Variants in KCNQ1 observed in about 807,000 individuals in gnomAD.
KCNQ1 encodes the protein potassium voltage-gated channel subfamily KQT member 1.
A neutral mutation model predicts 72.4 loss-of-function variants in KCNQ1; 49 were observed. That is an observed-to-expected ratio of 0.68 (90% CI 0.54 to 0.86). KCNQ1 has a LOEUF of 0.86. Among genes scored for constraint, KCNQ1 ranks in the 40% least tolerant of loss-of-function variants. KCNQ1 has a pLI of 0.00. For synonymous variants in KCNQ1, 450 were observed against 412.6 expected (o/e 1.09, Z -1.10); for missense variants, 790 against 945.1 (o/e 0.84, Z 2.15).
intron 8 of KCNQ1, among the ~76,000 whole-genome samples, 172 bp downstream of exon 8, chr11:2,585,479 G>A (rs189993151): frequency 5.3e-5 from 8 of 152,368 alleles, no homozygotes; most frequent in African/African-American, 1.7e-4. Context: ...GGGTGAGCAC[G>A]GGGCATTGGA....
chr11:2,448,502 T>C (rs1326681191), intron 1 of KCNQ1, among the ~76,000 whole-genome samples: 1 of 152,170 alleles, frequency 6.6e-6, no homozygotes, highest in Non-Finnish European at 1.5e-5. Context: ...AGCACCCAAC[T>C]TTGTGGACTC....
In KCNQ1 at chr11:2,826,138, T is replaced by C. The variant is rs1254610953; in HGVS notation, c.1795-21629T>C. ...GGCTCATGCCAATGTCTTGAGTAAT[T>C]ATTGGGGGGCGGGGGCTGTCCAGCC... On this transcript the variant is annotated intron_variant, in intron 15 of 15. Transcript: ENST00000155840. The surrounding 1 kb of genome is among the most constrained non-coding windows in gnomAD (Gnocchi z 4.2). Among the ~76,000 whole-genome samples the C allele has an allele frequency of 2.0e-5, 3 of 152,168 alleles. No homozygotes were observed. Among genetic ancestry groups the C allele is most frequent in the African/African-American group, 7.2e-5 (3 of 41,448 alleles).
chr11:2,706,980 A>G (rs1462601319), intron 11 of KCNQ1, among the ~76,000 whole-genome samples: 4 of 152,112 alleles, frequency 2.6e-5, no homozygotes, highest in East Asian at 3.9e-4. Flanking sequence ...TAGGAAATGT[A>G]ACGGGTGACC....
rs536652208 is a variant in KCNQ1 at position 2,745,906 on chromosome 11, T to C, written c.1515-22938T>C. On this transcript the variant is annotated intron_variant, in intron 11 of 15. Transcript: ENST00000155840. The surrounding 1 kb of genome is among the most constrained non-coding windows in gnomAD (Gnocchi z 6.2). ...TTTTTGTTTTGTTTTGTTTTGTTTTTTGAGATGGAGTCTCATTCTGTCACC... is the reference window on the plus strand; with the variant it reads ...TTTTTGTTTTGTTTTGTTTTGTTTTCTGAGATGGAGTCTCATTCTGTCACC... Among the ~76,000 whole-genome samples, 30 of 152,336 alleles carry C rather than the reference T, an allele frequency of 2.0e-4. No individual in the cohort carries two copies. Among genetic ancestry groups the C allele is most frequent in the African/African-American group, 6.7e-4 (28 of 41,574 alleles).
In KCNQ1 at chr11:2,752,907, G is replaced by A. The variant is rs919679549; in HGVS notation, c.1515-15937G>A. ...TCAGCCACCTCTCCCGAGGATCCTC[G>A]CACAATTTCACTGCCAGCCAGGAAG... On this transcript the variant is annotated intron_variant, in intron 11 of 15. Transcript: ENST00000155840. This position sits in a 1 kb window ranked among gnomAD's most constrained non-coding sequence, Gnocchi z 5.2. 4.6e-5 allele frequency among the ~76,000 whole-genome samples: 7 copies of A among 152,040 alleles called. No individual in the cohort carries two copies. The highest frequency in any genetic ancestry group is 7.4e-5 in the Non-Finnish European group (5 of 67,994).
chr11:2,687,773 C>T lies in KCNQ1; in HGVS notation c.1514+25692C>T, dbSNP rs1850516073. On this transcript the variant is annotated intron_variant, in intron 11 of 15. Transcript: ENST00000155840. This position sits in a 1 kb window ranked among gnomAD's most constrained non-coding sequence, Gnocchi z 5.0. ...CTGAGAAGAGGAGCCCCTTAGCAGGCCTAACCACACCCCTAAGCCACCCAG... is the reference window on the plus strand; with the variant it reads ...CTGAGAAGAGGAGCCCCTTAGCAGGTCTAACCACACCCCTAAGCCACCCAG... 1 of 398,740 alleles carries T rather than the reference C, an allele frequency of 2.5e-6. No individual in the cohort carries two copies. Among genetic ancestry groups the T allele is most frequent in the Non-Finnish European group, 4.4e-6 (1 of 226,176 alleles). 24.7% of individuals were successfully genotyped at this position (398,740 alleles called of 1,614,324 possible). A position where few individuals can be genotyped will look rare whatever the true frequency, so the allele number is the denominator to read the frequency against.
chr11:2,576,030 T>G (rs1300867185), intron 6 of KCNQ1, among the ~76,000 whole-genome samples: 4 of 152,248 alleles, frequency 2.6e-5, no homozygotes, highest in Non-Finnish European at 4.4e-5. Context: ...CTGTCTCTCA[T>G]GAGGACACTT....
Position 2,769,151 on chromosome 11 carries a change from C to T in KCNQ1, c.1590+232C>T, listed in dbSNP as rs868798384. On this transcript the variant is annotated intron_variant, in intron 12 of 15. Transcript: ENST00000155840. The surrounding 1 kb of genome is among the most constrained non-coding windows in gnomAD (Gnocchi z 4.6). ...GAGGCCCGGCCTGGAACCAGGGACA[C>T]ATGCAGTGTCTTCTTCACCAAGTAG... is the stretch of plus-strand genomic sequence containing the variant. Among the ~76,000 whole-genome samples, 3 of 152,128 alleles carry T rather than the reference C, an allele frequency of 2.0e-5. No individual in the cohort carries two copies. The highest frequency in any genetic ancestry group is 1.9e-4 in the East Asian group (1 of 5,152).
At chr11:2,554,061 G>A (rs1179839417) in intron 2 of KCNQ1, among the ~76,000 whole-genome samples, 1 of 152,194 alleles carries the variant, frequency 6.6e-6, no homozygotes, top group Admixed American at 6.5e-5. Flanking sequence ...GACTGACTTC[G>A]GTTGTGTGTA....
intron 1 of KCNQ1, among the ~76,000 whole-genome samples, chr11:2,518,559 A>G (rs1847325495): frequency 6.6e-6 from 1 of 152,130 alleles, no homozygotes; most frequent in South Asian, 2.1e-4. Context: ...GTGTTGGAAA[A>G]AGTGTCAGCT....
At chr11:2,470,770 T>A (rs958582730) in intron 1 of KCNQ1, among the ~76,000 whole-genome samples, 2 of 151,898 alleles carry the variant, frequency 1.3e-5, no homozygotes, top group Non-Finnish European at 2.9e-5. Flanking sequence ...AAAACCCTGG[T>A]CTCGATCAAT....
At chr11:2,731,982 C>T (rs901826419) in intron 11 of KCNQ1, among the ~76,000 whole-genome samples, 3 of 152,232 alleles carry the variant, frequency 2.0e-5, no homozygotes, top group East Asian at 3.9e-4. Flanking sequence ...AGGGGACCAG[C>T]GAGGTGTGGC....
chr11:2,802,103 G>T (rs1019425738), intron 15 of KCNQ1, among the ~76,000 whole-genome samples: 1 of 152,220 alleles, frequency 6.6e-6, no homozygotes, highest in Non-Finnish European at 1.5e-5. Context: ...GGCCCAGGAC[G>T]TGCTGAGGGT....
intron 6 of KCNQ1, among the ~76,000 whole-genome samples, chr11:2,581,167 TCCCTG>T (rs1848493142): frequency 6.6e-6 from 1 of 152,142 alleles, no homozygotes; most frequent in South Asian, 2.1e-4. Flanking sequence ...TAGGCCAGGG[TCCCTG>T]CCCTGCCCAG....
intron 10 of KCNQ1, among the ~76,000 whole-genome samples, chr11:2,606,382 G>A (rs143513444): frequency 5.8e-4 from 89 of 152,236 alleles, no homozygotes; most frequent in Admixed American, 2.6e-3. Flanking sequence ...GGGGGTGTCT[G>A]GATCATGGAC....
At chr11:2,700,020 A>T (rs972175371) in intron 11 of KCNQ1, 2 of 398,030 alleles carry the variant, frequency 5.0e-6, no homozygotes, top group South Asian at 1.3e-4. Context: ...CAGCGCTCCG[A>T]CTGCCCCCGC....
Position 2,848,220 on chromosome 11 carries a change from C to T in KCNQ1, c.*217C>T. ...CCTGGCCGGTGTGGGGGCCCCGTCT[C>T]AGGTCTGAGTTGTTACCCCAAGCGC... On this transcript the variant is annotated 3_prime_UTR_variant, in exon 16 of 16. Transcript: ENST00000155840. 2 of 664,878 alleles carry T rather than the reference C, an allele frequency of 3.0e-6. No homozygotes were observed. The highest frequency in any genetic ancestry group is 3.9e-4 in the Middle Eastern group (1 of 2,568). The allele number at this position is 664,878 out of a possible 1,614,324, so 41.2% of individuals were successfully genotyped here.
chr11:2,600,040 G>A lies in KCNQ1; in HGVS notation c.1393+11186G>A, dbSNP rs1056677574. ...TCCACAGGCAGGGTTCCTCTTTCCC[G>A]GCCGGCATTCCTGCCCACCAGTCCT... On this transcript the variant is annotated intron_variant, in intron 10 of 15. Coordinates refer to ENST00000155840, the MANE Select transcript of KCNQ1 (RefSeq NM_000218.3). The surrounding 1 kb of genome is among the most constrained non-coding windows in gnomAD (Gnocchi z 5.6). 2.6e-5 allele frequency among the ~76,000 whole-genome samples: 4 copies of A among 152,134 alleles called. No individual in the cohort carries two copies. Among genetic ancestry groups the A allele is most frequent in the South Asian group, 2.1e-4 (1 of 4,806 alleles).
rs189964457 is a variant in KCNQ1 at position 2,516,178 on chromosome 11, G to A, written c.387-11750G>A. Among the ~76,000 whole-genome samples the A allele has an allele frequency of 3.0e-4, 46 of 152,176 alleles. No individual in the cohort carries two copies. The highest frequency in any genetic ancestry group is 8.9e-4 in the African/African-American group (37 of 41,516). On this transcript the variant is annotated intron_variant, in intron 1 of 15. Transcript: ENST00000155840. This position sits in a 1 kb window ranked among gnomAD's most constrained non-coding sequence, Gnocchi z 7.0. ...ACCTGTGATGCTGTCAGGGAGACCC[G>A]GAGTCCAGTTCTCGCCAACCGCTCG...
Sources: allele counts gnomAD v4.1 joint callset (sites outside exome capture counted in the v4.1 genomes callset), GRCh38; gene constraint gnomAD v4.1.1; non-coding constraint Gnocchi (gnomAD v3.1); transcripts MANE v1.5; gene names NCBI Gene and HGNC (gene_info 2026-07-23, HGNC 2026-07-21).